Variants in ZNF131 observed in about 807,000 individuals in gnomAD.
The protein encoded by ZNF131 is zinc finger protein 131.
Under a neutral mutation model 60.0 loss-of-function variants are expected in ZNF131, and 7 were observed. The ratio of observed to expected loss-of-function variants is 0.12; its 90% CI spans 0.07 to 0.22. ZNF131 has a LOEUF of 0.22. Among genes scored for constraint, ZNF131 ranks in the 10% least tolerant of loss-of-function variants. ZNF131 has a pLI of 1.00. For synonymous variants in ZNF131, 257 were observed against 253.2 expected (o/e 1.01, Z -0.14); for missense variants, 493 against 740.9 (o/e 0.67, Z 3.88).
intron 3 of ZNF131, among the ~76,000 whole-genome samples, chr5:43,133,201 C>T (rs1183138375): frequency 6.6e-6 from 1 of 152,100 alleles, no homozygotes; most frequent in African/African-American, 2.4e-5. Context: ...TGTGGTGGCT[C>T]ACACCTCTAA....
chr5:43,132,804 C>T (rs1364319104), intron 3 of ZNF131, among the ~76,000 whole-genome samples: 2 of 152,134 alleles, frequency 1.3e-5, no homozygotes, highest in Non-Finnish European at 2.9e-5. Flanking sequence ...TGAGCCACTG[C>T]GCCCAGCCAG....
Position 43,146,006 on chromosome 5 carries a change from A to G in ZNF131, c.371+6697A>G, listed in dbSNP as rs1253124345. ...TATTAATTTCATATTAATGGCGTAA[A>G]TATTTGTCATCAAAGGAGTGACCAC... On this transcript the variant is annotated intron_variant, in intron 4 of 6. Coordinates refer to ENST00000682664, the MANE Select transcript of ZNF131 (RefSeq NM_001330707.2). 2.0e-5 allele frequency among the ~76,000 whole-genome samples: 3 copies of G among 152,200 alleles called. No individual in the cohort carries two copies. The East Asian group carries it at 5.8e-4, about 29-fold the overall frequency.
chr5:43,171,975 C>T (rs1211701716), intron 5 of ZNF131, among the ~76,000 whole-genome samples: 2 of 152,154 alleles, frequency 1.3e-5, no homozygotes, highest in African/African-American at 4.8e-5. Context: ...AGGCTGTTCC[C>T]GTCAAGCAAT....
At chr5:43,165,641 C>G (rs561955866) in intron 5 of ZNF131, among the ~76,000 whole-genome samples, 1 of 152,172 alleles carries the variant, frequency 6.6e-6, no homozygotes, top group African/African-American at 2.4e-5. Flanking sequence ...TTTGTTCTTC[C>G]GTTTCTGTAG....
intron 4 of ZNF131, among the ~76,000 whole-genome samples, chr5:43,158,055 A>C (rs1749173590): frequency 6.6e-6 from 1 of 152,016 alleles, no homozygotes; most frequent in Non-Finnish European, 1.5e-5. Flanking sequence ...AGCCACCTCC[A>C]CCTTCTGGGT....
intron 3 of ZNF131, among the ~76,000 whole-genome samples, chr5:43,136,962 A>T (rs556642639): frequency 6.6e-6 from 1 of 152,320 alleles, no homozygotes; most frequent in African/African-American, 2.4e-5. Context: ...ACAATAAGGA[A>T]GGAATGTTTT....
At chr5:43,125,023 C>T (rs1419147042) in intron 3 of ZNF131, 6 of 143,742 alleles carry the variant, frequency 4.2e-5, no homozygotes, top group Non-Finnish European at 6.0e-5. Flanking sequence ...GAGCAAGGCC[C>T]TGTCTCAAAA....
At chr5:43,142,959 G>A (rs1354196870) in intron 4 of ZNF131, among the ~76,000 whole-genome samples, 1 of 151,886 alleles carries the variant, frequency 6.6e-6, no homozygotes, top group Non-Finnish European at 1.5e-5. Context: ...GCCTCTCAAA[G>A]TGCCGGGATT....
In ZNF131 at chr5:43,142,031, A is replaced by AT. The variant is rs200527451; in HGVS notation, c.371+2730dup. Among the ~76,000 whole-genome samples, 1,284 of 151,350 alleles carry AT rather than the reference A, an allele frequency of 8.5e-3. 20 individuals are homozygous for AT. Among genetic ancestry groups the AT allele is most frequent in the African/African-American group, 0.029 (1,188 of 41,240 alleles). On this transcript the variant is annotated intron_variant, in intron 4 of 6. Coordinates refer to ENST00000682664, the MANE Select transcript of ZNF131 (RefSeq NM_001330707.2). ...TTACTGTTTCTTTGTATGTCTCATC[A>AT]TTTTTTTTGGTTAAAAATTAGATTT...
At chr5:43,162,789 C>T (rs1364219897) in intron 5 of ZNF131, among the ~76,000 whole-genome samples, 1 of 148,740 alleles carries the variant, frequency 6.7e-6, no homozygotes, top group African/African-American at 2.5e-5. Flanking sequence ...CCTGTAATCC[C>T]AGCTACTTGG....
chr5:43,136,707 G>A (rs548354198), intron 3 of ZNF131, among the ~76,000 whole-genome samples: 49 of 138,562 alleles, frequency 3.5e-4, no homozygotes, highest in Admixed American at 3.4e-3. Context: ...GGCTGATCTC[G>A]AACTCCTGAC....
At chr5:43,163,658 A>G (rs779276797) in intron 5 of ZNF131, among the ~76,000 whole-genome samples, 19 of 152,338 alleles carry the variant, frequency 1.2e-4, no homozygotes, top group Admixed American at 7.2e-4. Flanking sequence ...TCCTAAACCT[A>G]CTATTACAAG....
At position 43,174,408 on chromosome 5, in the gene ZNF131, A is replaced by G. The variant is rs754730028; in HGVS notation, c.1186-39A>G. 4.1e-6 allele frequency: 6 copies of G among 1,472,552 alleles called. No homozygotes were observed. The Admixed American group carries it at 1.5e-4, about 38-fold the overall frequency. 91.2% of individuals were successfully genotyped at this position (1,472,552 alleles called of 1,614,324 possible). ...TGCATTCATATTTCCTTCAGTTTGGATATAAGTATTGTCTACATCATATTT... is the reference window on the plus strand; with the variant it reads ...TGCATTCATATTTCCTTCAGTTTGGGTATAAGTATTGTCTACATCATATTT... On this transcript the variant is annotated intron_variant, in intron 6 of 6. Transcript: ENST00000682664.
chr5:43,131,157 G>A (rs375111756), intron 3 of ZNF131, among the ~76,000 whole-genome samples: 14 of 151,740 alleles, frequency 9.2e-5, no homozygotes, highest in South Asian at 2.1e-4. Flanking sequence ...GAGCCACAGC[G>A]CCCGGCCTCC....
chr5:43,170,934 ATTTTTTAAATTT>A (rs993799611), intron 5 of ZNF131, among the ~76,000 whole-genome samples: 16 of 142,534 alleles, frequency 1.1e-4, no homozygotes, highest in African/African-American at 3.2e-4. Context: ...GCACCCGGCG[ATTTTTTAAATTT>A]TTTTTTAAAT....
chr5:43,134,116 A>T (rs891649742), intron 3 of ZNF131, among the ~76,000 whole-genome samples: 1 of 152,224 alleles, frequency 6.6e-6, no homozygotes, highest in Non-Finnish European at 1.5e-5. Context: ...TATAGATGCA[A>T]AACTTTGCAG....
In ZNF131 at chr5:43,175,267, G is replaced by T. The variant is rs35855029; in HGVS notation, c.*134G>T. 0.11 allele frequency: 103,388 copies of T among 925,514 alleles called. 6,447 individuals are homozygous for T. Among genetic ancestry groups the T allele is most frequent in the East Asian group, 0.17 (6,356 of 38,090 alleles). 57.3% of individuals were successfully genotyped at this position (925,514 alleles called of 1,614,324 possible). On this transcript the variant is annotated 3_prime_UTR_variant, in exon 7 of 7. Coordinates refer to ENST00000682664, the MANE Select transcript of ZNF131 (RefSeq NM_001330707.2). The stretch of plus-strand genomic sequence containing the variant: ...CTGTTTCCTGTTGTGCTGAACTGTT[G>T]TCCGTTGAAACACATTGATTCCCCT...
chr5:43,144,023 C>T (rs1010147692), intron 4 of ZNF131, among the ~76,000 whole-genome samples: 7 of 142,906 alleles, frequency 4.9e-5, no homozygotes, highest in African/African-American at 1.5e-4. Context: ...CCCAGGTTCA[C>T]GCTATTCTCC....
rs371323104 is a variant in ZNF131, at chr5:43,125,784, G to GA, written c.226+2484dup. ...AACAAGAGTGAAACTCCGTCTCAAA[G>GA]AAAAAAAAAAGGAAAAGTGGCCCAA... On this transcript the variant is annotated intron_variant, in intron 3 of 6. Transcript: ENST00000682664. Among the ~76,000 whole-genome samples, 1,415 of 145,728 alleles carry GA rather than the reference G, an allele frequency of 9.7e-3. 5 individuals are homozygous for GA. Among genetic ancestry groups the GA allele is most frequent in the African/African-American group, 0.019 (750 of 39,928 alleles).
Sources: gnomAD v4.1 joint callset for allele counts (sites outside exome capture counted in the v4.1 genomes callset) on GRCh38, gnomAD v4.1.1 for gene constraint, MANE v1.5 for transcripts, NCBI Gene and HGNC (gene_info 2026-07-23, HGNC 2026-07-21) for gene names.